KCNMA1: variants seen among roughly 807,000 people sequenced by gnomAD.
The protein encoded by KCNMA1 is potassium calcium-activated channel subfamily M alpha 1.
KCNMA1 carries 29 observed loss-of-function variants against 140.0 expected under a neutral mutation model. The observed-to-expected ratio is 0.21, with a 90% CI of 0.15 to 0.28. KCNMA1 has a LOEUF of 0.28. KCNMA1 is among the 10% of genes least tolerant of loss of function. The probability of loss-of-function intolerance (pLI) is 1.00; values close to 1 mark genes in which losing one functional copy is unlikely to be tolerated. For synonymous variants in KCNMA1, 612 were observed against 611.9 expected, an observed-to-expected ratio of 1.00 and a Z score of 0.00; for missense variants, 880 against 1,602.2, an observed-to-expected ratio of 0.55 and a Z score of 7.70.
At chr10:76,944,999 T>C (rs1591530138) in intron 22 of KCNMA1, 34 bp from the exon 23 acceptor site, 15 of 1,566,498 alleles carry the variant, frequency 9.6e-6, no homozygotes, top group Non-Finnish European at 1.1e-5. Context: ...AAAACAGAGA[T>C]GGGGGGAGAA....
chr10:77,129,794 G>GA (rs75837720), intron 5 of KCNMA1, among the ~76,000 whole-genome samples: 22,383 of 151,650 alleles, frequency 0.15, 3,888 homozygotes, highest in East Asian at 0.87. Context: ...AATAAAAAAA[G>GA]AAAAAAATTA....
intron 5 of KCNMA1, among the ~76,000 whole-genome samples, chr10:77,145,225 G>C (rs1479890311): frequency 5.3e-5 from 8 of 152,144 alleles, no homozygotes; most frequent in African/African-American, 1.9e-4. Flanking sequence ...CTCCACATAC[G>C]AGCCACATGC....
intron 17 of KCNMA1, among the ~76,000 whole-genome samples, chr10:77,015,284 G>C (rs1245118182): frequency 1.3e-5 from 2 of 152,020 alleles, no homozygotes; most frequent in African/African-American, 2.4e-5. Flanking sequence ...GTGCCCTCCT[G>C]TACAGGTCTA....
chr10:77,103,033 C>T (rs1427089869), intron 9 of KCNMA1, among the ~76,000 whole-genome samples: 1 of 152,064 alleles, frequency 6.6e-6, no homozygotes, highest in Non-Finnish European at 1.5e-5. Context: ...TGGAGAGGGG[C>T]CACAGGAATG....
At chr10:77,018,708 T>G (rs975721415) in intron 17 of KCNMA1, among the ~76,000 whole-genome samples, 20 of 152,226 alleles carry the variant, frequency 1.3e-4, no homozygotes. Flanking sequence ...TGTCTTGTTA[T>G]GTTGTTCTGA....
chr10:77,595,667 G>A (rs1210068057), intron 1 of KCNMA1, among the ~76,000 whole-genome samples: 1 of 152,056 alleles, frequency 6.6e-6, no homozygotes, highest in African/African-American at 2.4e-5. Flanking sequence ...GCTAGTTTTT[G>A]TTTTGTTTTG....
At chr10:77,124,257 G>A (rs1408867634) in intron 5 of KCNMA1, among the ~76,000 whole-genome samples, 4 of 152,118 alleles carry the variant, frequency 2.6e-5, no homozygotes, top group Admixed American at 6.5e-5. Context: ...ATCTTTAAAC[G>A]ATGGTGTTTG....
intron 1 of KCNMA1, among the ~76,000 whole-genome samples, chr10:77,414,051 C>T (rs1000278026): frequency 5.9e-5 from 9 of 152,170 alleles, no homozygotes; most frequent in African/African-American, 1.9e-4. Context: ...AACAACTACT[C>T]TTTGGAAGTC....
At chr10:77,548,688 G>T (rs988799472) in intron 1 of KCNMA1, among the ~76,000 whole-genome samples, 7 of 152,204 alleles carry the variant, frequency 4.6e-5, no homozygotes, top group Admixed American at 4.6e-4. Flanking sequence ...TCTTGCCCCA[G>T]CTCTGTGGCT....
At chr10:77,038,257 A>AC (rs2094457528) in intron 15 of KCNMA1, among the ~76,000 whole-genome samples, 1 of 152,134 alleles carries the variant, frequency 6.6e-6, no homozygotes, top group South Asian at 2.1e-4. Flanking sequence ...GGCCAAGGGC[A>AC]CCCAGGACTG....
At chr10:77,026,291 T>C (rs1156873027) in intron 16 of KCNMA1, among the ~76,000 whole-genome samples, 2 of 152,202 alleles carry the variant, frequency 1.3e-5, no homozygotes, top group Non-Finnish European at 2.9e-5. Flanking sequence ...AAAAACACTA[T>C]GCAGCATCAG....
At chr10:77,355,915 G>GC (rs2093436595) in intron 2 of KCNMA1, among the ~76,000 whole-genome samples, 1 of 151,964 alleles carries the variant, frequency 6.6e-6, no homozygotes, top group South Asian at 2.1e-4. Flanking sequence ...GAAAACTCAC[G>GC]CATTACTCAG....
intron 14 of KCNMA1, among the ~76,000 whole-genome samples, chr10:77,048,724 A>G (rs1056863585): frequency 6.6e-6 from 1 of 152,186 alleles, no homozygotes; most frequent in Non-Finnish European, 1.5e-5. Context: ...AGTATTTAAC[A>G]TGTTAAGAGG....
At chr10:77,567,821 A>G (rs2068941103) in intron 1 of KCNMA1, among the ~76,000 whole-genome samples, 1 of 152,168 alleles carries the variant, frequency 6.6e-6, no homozygotes, top group African/African-American at 2.4e-5. Flanking sequence ...GCCAGGTGCT[A>G]TGGCTCACAC....
intron 25 of KCNMA1, among the ~76,000 whole-genome samples, chr10:76,907,052 G>A (rs1030270320): frequency 7.9e-5 from 12 of 152,158 alleles, no homozygotes; most frequent in African/African-American, 1.9e-4. Context: ...CAAAAGATTC[G>A]ATAGTGTAGC....
chr10:76,994,452 T>C (rs1431534816), intron 19 of KCNMA1, among the ~76,000 whole-genome samples: 1 of 152,192 alleles, frequency 6.6e-6, no homozygotes, highest in Non-Finnish European at 1.5e-5. Context: ...AGTCGTAACA[T>C]GAATCCAAGT....
Position 76,885,543 on chromosome 10 carries a change from T to C in KCNMA1, c.*1723A>G, listed in dbSNP as rs2036517967. 1.0e-6 allele frequency: 1 copy of C among 985,318 alleles called. No homozygotes were observed. The highest frequency in any genetic ancestry group is 1.7e-5 in the African/African-American group (1 of 57,306). 61.0% of individuals were successfully genotyped at this position (985,318 alleles called of 1,614,324 possible). On this transcript the variant is annotated 3_prime_UTR_variant, in exon 28 of 28. Transcript: ENST00000286628. ...TTGAGGGGACGGGGGATCCAAAATCTAAATCCAAAACATTCACCATAAAAA... is the reference window on the plus strand; with the variant it reads ...TTGAGGGGACGGGGGATCCAAAATCCAAATCCAAAACATTCACCATAAAAA...
rs75871361 is a variant in KCNMA1, at chr10:76,948,881, C to T, written c.2709+261G>A. The T allele has an allele frequency of 3.5e-4, 187 of 536,110 alleles. 2 individuals carry two copies. The East Asian group carries it at 5.0e-3, about 14-fold the overall frequency. 33.2% of individuals were successfully genotyped at this position (536,110 alleles called of 1,614,324 possible). On this transcript the variant is annotated intron_variant, in intron 22 of 27. Coordinates refer to ENST00000286628, the MANE Select transcript of KCNMA1 (RefSeq NM_001161352.2). ...ATAGGCAGGAGTGAGAGTGTTTAGA[C>T]GCTGATATGGTTAATATACTTGATA... is the stretch of plus-strand genomic sequence containing the variant.
At chr10:77,559,489 A>G (rs1227827850) in intron 1 of KCNMA1, among the ~76,000 whole-genome samples, 1 of 152,188 alleles carries the variant, frequency 6.6e-6, no homozygotes, top group Non-Finnish European at 1.5e-5. Flanking sequence ...ACACCTCACT[A>G]GTAGAAAGGC....
Sources: allele counts gnomAD v4.1 joint callset (sites outside exome capture counted in the v4.1 genomes callset), GRCh38; gene constraint gnomAD v4.1.1; transcripts MANE v1.5; gene names NCBI Gene and HGNC (gene_info 2026-07-23, HGNC 2026-07-21).